GPC3: variants seen among roughly 807,000 people sequenced by gnomAD.
GPC3 encodes the protein glypican 3, also known as glypican-3.
Under a neutral mutation model 34.4 loss-of-function variants are expected in GPC3, and 3 were observed. The observed-to-expected ratio is 0.09, with a 90% confidence interval of 0.04 to 0.23. GPC3 has a LOEUF of 0.23. GPC3 is among the 10% of genes least tolerant of loss of function. The pLI is 1.00. For missense variants in GPC3, 351 were observed against 445.6 expected, an observed-to-expected ratio of 0.79 and a Z score of 1.91; for synonymous variants, 177 against 174.0, an observed-to-expected ratio of 1.02 and a Z score of -0.13.
intron 6 of GPC3, among the ~76,000 whole-genome samples, chrX:133,654,996 C>A (rs1456157058): frequency 9.0e-6 from 1 of 111,658 alleles, no homozygotes; most frequent in East Asian, 2.8e-4. Flanking sequence ...GACCACAACA[C>A]TAATACCAAC....
intron 2 of GPC3, among the ~76,000 whole-genome samples, chrX:133,871,118 T>G: frequency 9.0e-6 from 1 of 111,651 alleles, no homozygotes; most frequent in South Asian, 3.8e-4. Flanking sequence ...TGACTCCCTC[T>G]TGGACAGCTC....
chrX:133,767,170 C>T (rs2071855951), intron 2 of GPC3, among the ~76,000 whole-genome samples: 1 of 111,488 alleles, frequency 9.0e-6, no homozygotes, highest in Non-Finnish European at 1.9e-5. Flanking sequence ...TCTAAGTAAA[C>T]TTAATACCTC....
At chrX:133,954,300 A>G (rs2076406410) in intron 1 of GPC3, among the ~76,000 whole-genome samples, 1 of 112,127 alleles carries the variant, frequency 8.9e-6, no homozygotes, top group African/African-American at 3.2e-5. Context: ...ATCAACTTGC[A>G]CCCTTAAAAT....
chrX:133,827,356 T>A (rs2075752571), intron 2 of GPC3, among the ~76,000 whole-genome samples: 2 of 112,474 alleles, frequency 1.8e-5, no homozygotes, highest in African/African-American at 6.5e-5. Context: ...AACCCCTTTT[T>A]TCTTTCTCCT....
At chrX:133,813,177 C>T (rs2075673442) in intron 2 of GPC3, among the ~76,000 whole-genome samples, 2 of 112,769 alleles carry the variant, frequency 1.8e-5, no homozygotes, top group Admixed American at 1.9e-4. Flanking sequence ...CTTCTTGGCA[C>T]AGCAAGTGCC....
chrX:133,641,489 G>A (rs1038983386), intron 6 of GPC3, among the ~76,000 whole-genome samples: 4 of 109,803 alleles, frequency 3.6e-5, no homozygotes, highest in Non-Finnish European at 5.7e-5. Flanking sequence ...AAAAAAAAAC[G>A]TCAGGAAAGA....
At chrX:133,858,278 G>A (rs1409960874) in intron 2 of GPC3, among the ~76,000 whole-genome samples, 1 of 112,173 alleles carries the variant, frequency 8.9e-6, no homozygotes, top group Admixed American at 9.5e-5. Context: ...GTGCAAATTA[G>A]GAAAAGGCGT....
chrX:133,862,314 G>A (rs2075940744), intron 2 of GPC3, among the ~76,000 whole-genome samples: 2 of 109,799 alleles, frequency 1.8e-5, no homozygotes, highest in South Asian at 7.9e-4. Context: ...GGTAAAACAG[G>A]CCACCTTTAC....
intron 2 of GPC3, among the ~76,000 whole-genome samples, chrX:133,892,687 G>A (rs2076093470): frequency 9.1e-6 from 1 of 110,413 alleles, no homozygotes; most frequent in South Asian, 4.0e-4. Flanking sequence ...GGGAAAGAAG[G>A]TCAAGCTGGA....
intron 5 of GPC3, among the ~76,000 whole-genome samples, chrX:133,688,792 G>T (rs1038745699): frequency 1.7e-4 from 19 of 111,511 alleles, no homozygotes; most frequent in African/African-American, 6.2e-4. Flanking sequence ...AATTAAATGA[G>T]AAATTTATTG....
At chrX:133,897,995 T>C (rs996053144) in intron 2 of GPC3, among the ~76,000 whole-genome samples, 1 of 111,747 alleles carries the variant, frequency 8.9e-6, no homozygotes, top group Non-Finnish European at 1.9e-5. Flanking sequence ...GGGCTATTTT[T>C]ATAGCCTTCT....
intron 2 of GPC3, among the ~76,000 whole-genome samples, chrX:133,946,245 ACACATATAG>A (rs2076368081): frequency 8.9e-6 from 1 of 111,877 alleles, no homozygotes; most frequent in South Asian, 3.8e-4. Context: ...AGGCTGTATC[ACACATATAG>A]CACTGTTTTA....
At chrX:133,684,928 T>C (rs2070983834) in intron 5 of GPC3, among the ~76,000 whole-genome samples, 1 of 109,647 alleles carries the variant, frequency 9.1e-6, no homozygotes, top group Non-Finnish European at 1.9e-5. Context: ...TTGAAGATTC[T>C]GAAGGTCTTT....
chrX:133,678,565 T>C (rs966804893), intron 5 of GPC3, among the ~76,000 whole-genome samples: 1 of 111,546 alleles, frequency 9.0e-6, no homozygotes, highest in African/African-American at 3.3e-5. Flanking sequence ...CTTGGGACCT[T>C]CTGTGCTAAA....
At chrX:133,692,527 G>A in intron 4 of GPC3, 33 bp from the exon 5 acceptor site, 1 of 1,178,190 alleles carries the variant, frequency 8.5e-7, no homozygotes. Flanking sequence ...GTGCATAAGA[G>A]GCAAGTAAAC....
chrX:133,803,951 AT>A (rs1278380502), intron 2 of GPC3, among the ~76,000 whole-genome samples: 1 of 105,862 alleles, frequency 9.4e-6, no homozygotes, highest in East Asian at 2.9e-4. Flanking sequence ...TATGAAAAAA[AT>A]GACCCATTCA....
intron 3 of GPC3, among the ~76,000 whole-genome samples, chrX:133,722,954 C>T (rs954082116): frequency 2.7e-5 from 3 of 111,893 alleles, no homozygotes; most frequent in Admixed American, 1.9e-4. Context: ...CAGCATTACA[C>T]ATTGCTATCG....
At chrX:133,891,404 C>G (rs1270650270) in intron 2 of GPC3, among the ~76,000 whole-genome samples, 2 of 110,827 alleles carry the variant, frequency 1.8e-5, no homozygotes, top group Non-Finnish European at 3.8e-5. Flanking sequence ...CCTAACAACA[C>G]TGAATAGTAT....
intron 2 of GPC3, among the ~76,000 whole-genome samples, chrX:133,943,590 G>A (rs2076353709): frequency 8.9e-6 from 1 of 112,194 alleles, no homozygotes; most frequent in Non-Finnish European, 1.9e-5. Flanking sequence ...AAGCTGGCAA[G>A]GTCCAAATAA....
Sources: gnomAD v4.1 joint callset for allele counts (sites outside exome capture counted in the v4.1 genomes callset) on GRCh38, gnomAD v4.1.1 for gene constraint, MANE v1.5 for transcripts, NCBI Gene and HGNC (gene_info 2026-07-23, HGNC 2026-07-21) for gene names.